The following TNFSF8 variants were observed in gnomAD, a reference collection of about 807,000 sequenced individuals.
TNFSF8 encodes the protein TNF superfamily member 8, also known as tumor necrosis factor ligand superfamily member 8.
Under a neutral mutation model 22.0 loss-of-function variants are expected in TNFSF8, and 4 were observed. That is an observed-to-expected ratio of 0.18 (90% confidence interval 0.09 to 0.42). TNFSF8 has a LOEUF of 0.42. TNFSF8 is among the 10% of genes least tolerant of loss of function. The pLI is 1.00. For missense variants in TNFSF8, 233 were observed against 281.8 expected (o/e 0.83, Z 1.24); for synonymous variants, 106 against 112.5 (o/e 0.94, Z 0.37).
intron 3 of TNFSF8, among the ~76,000 whole-genome samples, chr9:114,905,510 GGAGGGGT>G (rs1015780651): frequency 2.0e-5 from 3 of 152,230 alleles, no homozygotes; most frequent in South Asian, 2.1e-4. Context: ...AGCTGAATAA[GGAGGGGT>G]GAGGGGTGAG....
At chr9:114,894,500 G>A (rs1482271316) in intron 4 of TNFSF8, among the ~76,000 whole-genome samples, 4 of 152,140 alleles carry the variant, frequency 2.6e-5, no homozygotes, top group Non-Finnish European at 5.9e-5. Context: ...AGTGTAGTGT[G>A]GTTAGAAATA....
downstream of TNFSF8, among the ~76,000 whole-genome samples, chr9:114,899,769 G>C (rs544119705): frequency 8.7e-4 from 133 of 152,314 alleles, no homozygotes; most frequent in African/African-American, 3.1e-3. Flanking sequence ...GAGCAGAGAA[G>C]TACTTAGAAA....
At chr9:114,896,802 TC>T (rs1253150162), downstream of TNFSF8, among the ~76,000 whole-genome samples, 1 of 152,178 alleles carries the variant, frequency 6.6e-6, no homozygotes, top group African/African-American at 2.4e-5. Context: ...TATTTTTTTT[TC>T]CTTCCATGTT....
chr9:114,912,129 A>G (rs923065649), intron 2 of TNFSF8, among the ~76,000 whole-genome samples: 13 of 152,230 alleles, frequency 8.5e-5, no homozygotes, highest in Non-Finnish European at 1.6e-4. Flanking sequence ...CTTTGCAAAA[A>G]TCATGCAGCC....
At chr9:114,928,042 T>C (rs908624099) in intron 1 of TNFSF8, among the ~76,000 whole-genome samples, 11 of 152,196 alleles carry the variant, frequency 7.2e-5, no homozygotes, top group Non-Finnish European at 1.2e-4. Context: ...TGCAATGCAT[T>C]TGACACTTTA....
chr9:114,910,643 C>G (rs1483224553), intron 2 of TNFSF8, among the ~76,000 whole-genome samples: 1 of 152,168 alleles, frequency 6.6e-6, no homozygotes, highest in Non-Finnish European at 1.5e-5. Flanking sequence ...TGGGTTCCAT[C>G]TTGTGGGAGA....
At chr9:114,913,239 T>A (rs1000254033) in intron 2 of TNFSF8, among the ~76,000 whole-genome samples, 3 of 152,152 alleles carry the variant, frequency 2.0e-5, no homozygotes, top group Non-Finnish European at 4.4e-5. Context: ...CTGTTCCAAC[T>A]TCCTTAGGGC....
At chr9:114,900,720 G>A (rs371318902), downstream of TNFSF8, among the ~76,000 whole-genome samples, 8 of 152,276 alleles carry the variant, frequency 5.3e-5, no homozygotes, top group African/African-American at 1.4e-4. Flanking sequence ...GGTTGCTCAC[G>A]CCTGTAATCC....
chr9:114,921,873 C>T (rs1827992531), intron 1 of TNFSF8, among the ~76,000 whole-genome samples: 1 of 152,170 alleles, frequency 6.6e-6, no homozygotes, highest in South Asian at 2.1e-4. Context: ...AGTGTACTTC[C>T]TCTGTTTTTG....
intron 4 of TNFSF8, among the ~76,000 whole-genome samples, chr9:114,894,658 G>T (rs1359181801): frequency 2.6e-5 from 4 of 152,186 alleles, no homozygotes; most frequent in Non-Finnish European, 5.9e-5. Flanking sequence ...AGGGTGAGAT[G>T]CAGTAGACTA....
rs760865978 is a variant in TNFSF8 at position 114,930,197 on chromosome 9, C to T, written c.107G>A (p.Arg36His). ...GGCTGTGGTCAAATAGAAATAGCTG[C>T]GGCTCGTGGTCCCCAGGTGGCTGGC... ...SVASHLGTTS[R>H]SYFYLTTATL... The change falls in exon 1 of 4, where the codon CGC becomes CAC. Residue 36 changes from arginine (R) to histidine (H), a missense_variant. By Grantham distance (29) the Arg-to-His change is conservative (BLOSUM62 0). Coordinates refer to ENST00000223795, the MANE Select transcript of TNFSF8 (RefSeq NM_001244.4). 5.6e-6 allele frequency: 9 copies of T among 1,605,574 alleles called. No homozygotes were observed. Among genetic ancestry groups the T allele is most frequent in the Middle Eastern group, 1.7e-4 (1 of 6,038 alleles).
At chr9:114,905,978 CTTT>C (rs1827780626) in intron 2 of TNFSF8, 79 bp from the exon 3 acceptor site, 1 of 919,626 alleles carries the variant, frequency 1.1e-6, no homozygotes. Context: ...TTCTACAACA[CTTT>C]GATGGAGACA....
downstream of TNFSF8, among the ~76,000 whole-genome samples, chr9:114,898,898 G>C (rs1199026565): frequency 6.6e-6 from 1 of 152,118 alleles, no homozygotes; most frequent in African/African-American, 2.4e-5. Context: ...CTTGCAATCA[G>C]GAAGCCTGCC....
Position 114,902,264 on chromosome 9 carries a change from A to G in TNFSF8, c.*1667T>C. 1.0e-6 allele frequency: 1 copy of G among 985,406 alleles called. No homozygotes were observed. The highest frequency in any genetic ancestry group is 1.2e-6 in the Non-Finnish European group (1 of 829,930). The allele number at this position is 985,406 out of a possible 1,614,324, so 61.0% of individuals were successfully genotyped here. A position where few individuals can be genotyped will look rare whatever the true frequency, so the allele number is the denominator to read the frequency against. On this transcript the variant is annotated 3_prime_UTR_variant, in exon 4 of 4. Coordinates refer to ENST00000223795, the MANE Select transcript of TNFSF8 (RefSeq NM_001244.4). ...CTTCCAGGGTCATCATTGTCTCTCA[A>G]CAACTTTGTGGGGATATAAAAACCC...
At chr9:114,925,605 C>G (rs796941011) in intron 1 of TNFSF8, among the ~76,000 whole-genome samples, 38 of 152,290 alleles carry the variant, frequency 2.5e-4, no homozygotes, top group African/African-American at 8.4e-4. Flanking sequence ...AAATACCACA[C>G]CACCATCACC....
At chr9:114,899,216 A>T (rs1827689335), downstream of TNFSF8, among the ~76,000 whole-genome samples, 1 of 152,188 alleles carries the variant, frequency 6.6e-6, no homozygotes, top group Admixed American at 6.5e-5. Context: ...CAAAAGAATA[A>T]GGAAAGTATA....
chr9:114,927,733 GT>G (rs1254327242), intron 1 of TNFSF8, among the ~76,000 whole-genome samples: 1 of 152,076 alleles, frequency 6.6e-6, no homozygotes. Context: ...CATTCTTATG[GT>G]TCTCCACCCC....
intron 1 of TNFSF8, among the ~76,000 whole-genome samples, chr9:114,923,459 A>C (rs988624854): frequency 1.4e-5 from 2 of 147,280 alleles, no homozygotes; most frequent in Admixed American, 1.3e-4. Flanking sequence ...TATCCCATAC[A>C]TAGATTACTT....
chr9:114,901,092 A>G (rs1827711145), downstream of TNFSF8: 1 of 985,096 alleles, frequency 1.0e-6, no homozygotes, highest in Non-Finnish European at 1.2e-6. Flanking sequence ...GAGCAAGGGA[A>G]GGAGCTCAAG....
Sources: allele counts gnomAD v4.1 joint callset (sites outside exome capture counted in the v4.1 genomes callset), GRCh38; gene constraint gnomAD v4.1.1; transcripts MANE v1.5; gene names NCBI Gene and HGNC (gene_info 2026-07-23, HGNC 2026-07-21).